IL1RAPL1: variants seen among roughly 807,000 people sequenced by gnomAD.
The protein encoded by IL1RAPL1 is interleukin 1 receptor accessory protein like 1.
A neutral mutation model predicts 48.4 loss-of-function variants in IL1RAPL1; 3 were observed. The observed-to-expected ratio is 0.06, with a 90% CI of 0.03 to 0.16. The LOEUF is 0.16. Ranked by LOEUF, IL1RAPL1 falls within the 10% of genes least tolerant of loss-of-function variation. IL1RAPL1 has a pLI of 1.00. For missense variants in IL1RAPL1, 349 were observed against 530.6 expected (o/e 0.66, Z 3.36); for synonymous variants, 185 against 187.7 (o/e 0.99, Z 0.12).
At chrX:29,113,346 TTGTC>T (rs1367455510) in intron 2 of IL1RAPL1, among the ~76,000 whole-genome samples, 1 of 111,674 alleles carries the variant, frequency 9.0e-6, no homozygotes, top group Non-Finnish European at 1.9e-5. Flanking sequence ...GCACTGGTCT[TTGTC>T]TGGTAGGGCT....
intron 5 of IL1RAPL1, among the ~76,000 whole-genome samples, chrX:29,419,676 T>G (rs1008864229): frequency 3.6e-5 from 4 of 112,599 alleles, no homozygotes; most frequent in Non-Finnish European, 5.6e-5. Context: ...ACATTCAGAG[T>G]TCTAGAGCAT....
chrX:28,736,309 C>T (rs371638705), intron 1 of IL1RAPL1, among the ~76,000 whole-genome samples: 7 of 109,965 alleles, frequency 6.4e-5, no homozygotes, highest in African/African-American at 2.0e-4. Context: ...TGGCGGGCAC[C>T]TGTAATCCCA....
At chrX:29,585,725 T>C (rs1202657496) in intron 5 of IL1RAPL1, among the ~76,000 whole-genome samples, 1 of 111,923 alleles carries the variant, frequency 8.9e-6, no homozygotes, top group Non-Finnish European at 1.9e-5. Flanking sequence ...AGGTATGAGG[T>C]GATGTCATAT....
intron 5 of IL1RAPL1, among the ~76,000 whole-genome samples, chrX:29,476,674 C>T (rs981738460): frequency 1.6e-4 from 18 of 109,405 alleles, no homozygotes; most frequent in African/African-American, 5.7e-4. Context: ...TTGTACAGCC[C>T]ATTATACATT....
At position 29,122,409 on chromosome X, in the gene IL1RAPL1, T is replaced by TCACA. The variant is rs59677285; in HGVS notation, c.83-160493_83-160490dup. Among the ~76,000 whole-genome samples, 440 of 64,568 alleles carry TCACA rather than the reference T, an allele frequency of 6.8e-3. 9 individuals carry two copies. The highest frequency in any genetic ancestry group is 0.015 in the African/African-American group (196 of 12,824). The allele number at this position is 64,568 out of a possible 115,157, so 56.1% of individuals were successfully genotyped here. A position where few individuals can be genotyped will look rare whatever the true frequency, so the allele number is the denominator to read the frequency against. On this transcript the variant is annotated intron_variant, in intron 2 of 10. Coordinates refer to ENST00000378993, the MANE Select transcript of IL1RAPL1 (RefSeq NM_014271.4). ...CTCTCTCTCTCTTTCTCTCTCTCTC[T>TCACA]CACACACACACACACACACACACAC...
At chrX:28,628,797 T>C (rs1416484120) in intron 1 of IL1RAPL1, among the ~76,000 whole-genome samples, 2 of 112,342 alleles carry the variant, frequency 1.8e-5, no homozygotes, top group Non-Finnish European at 3.8e-5. Flanking sequence ...ACACACATCG[T>C]TTCTCTGAAT....
chrX:29,463,875 T>C (rs1279486082), intron 5 of IL1RAPL1, among the ~76,000 whole-genome samples: 1 of 111,574 alleles, frequency 9.0e-6, no homozygotes, highest in Non-Finnish European at 1.9e-5. Context: ...ACCACCATGT[T>C]GTGGAGGCCC....
At chrX:28,988,944 A>G (rs1487083077) in intron 2 of IL1RAPL1, among the ~76,000 whole-genome samples, 4 of 111,737 alleles carry the variant, frequency 3.6e-5, no homozygotes, top group African/African-American at 1.3e-4. Context: ...AAAGTTTCAC[A>G]TCTCATCCAA....
chrX:29,655,829 C>A (rs140283970), intron 5 of IL1RAPL1, among the ~76,000 whole-genome samples: 1 of 110,457 alleles, frequency 9.1e-6, no homozygotes, highest in African/African-American at 3.3e-5. Flanking sequence ...AATAAAGTAA[C>A]GTAACCGCAC....
intron 6 of IL1RAPL1, among the ~76,000 whole-genome samples, chrX:29,775,220 T>A (rs1601818085): frequency 9.0e-6 from 1 of 111,466 alleles, no homozygotes; most frequent in Admixed American, 9.6e-5. Flanking sequence ...CACTTATTAA[T>A]CATCATTGGG....
At chrX:28,662,849 C>T (rs1488566533) in intron 1 of IL1RAPL1, among the ~76,000 whole-genome samples, 2 of 111,413 alleles carry the variant, frequency 1.8e-5, no homozygotes, top group African/African-American at 3.3e-5. Flanking sequence ...TCATGCCATA[C>T]AGAGGATAGT....
intron 1 of IL1RAPL1, among the ~76,000 whole-genome samples, chrX:28,609,156 C>T (rs1934118040): frequency 8.9e-6 from 1 of 112,301 alleles, no homozygotes; most frequent in Non-Finnish European, 1.9e-5. Context: ...CTCTAGCCAG[C>T]TGCAATGATG....
chrX:29,045,584 G>A (rs1377052729), intron 2 of IL1RAPL1, among the ~76,000 whole-genome samples: 1 of 111,246 alleles, frequency 9.0e-6, no homozygotes, highest in Non-Finnish European at 1.9e-5. Context: ...TCCTGCCTCA[G>A]CCTTTCAAGT....
chrX:29,391,988 G>T (rs1412344509), intron 3 of IL1RAPL1, among the ~76,000 whole-genome samples: 4 of 112,166 alleles, frequency 3.6e-5, no homozygotes, highest in Non-Finnish European at 7.5e-5. Flanking sequence ...CCAATATGTT[G>T]TGTGTGTACC....
intron 1 of IL1RAPL1, among the ~76,000 whole-genome samples, chrX:28,774,467 C>A (rs183465379): frequency 3.6e-5 from 4 of 111,353 alleles, no homozygotes; most frequent in Non-Finnish European, 7.5e-5. Flanking sequence ...GGGCAGGACC[C>A]ACTTTCAGGT....
chrX:29,104,748 C>A (rs1928414510), intron 2 of IL1RAPL1, among the ~76,000 whole-genome samples: 1 of 103,787 alleles, frequency 9.6e-6, no homozygotes, highest in Admixed American at 1.1e-4. Context: ...AAAATATACA[C>A]CTACTATGTA....
At chrX:29,546,080 A>G (rs943049012) in intron 5 of IL1RAPL1, among the ~76,000 whole-genome samples, 2 of 111,632 alleles carry the variant, frequency 1.8e-5, no homozygotes, top group African/African-American at 6.5e-5. Flanking sequence ...GATTGCAGCA[A>G]TATCCTCCAA....
intron 6 of IL1RAPL1, among the ~76,000 whole-genome samples, chrX:29,791,427 C>CTTT (rs772185346): frequency 0.028 from 2,753 of 99,719 alleles, 91 homozygotes; most frequent in African/African-American, 0.095. Context: ...TTCTTTTTAT[C>CTTT]TTTTTTTTTT....
At chrX:29,604,364 T>C (rs935100653) in intron 5 of IL1RAPL1, among the ~76,000 whole-genome samples, 1 of 112,555 alleles carries the variant, frequency 8.9e-6, no homozygotes, top group African/African-American at 3.2e-5. Context: ...TATTTTCTTC[T>C]AGTATTCCAA....
Sources: gnomAD v4.1 joint callset for allele counts (sites outside exome capture counted in the v4.1 genomes callset) on GRCh38, gnomAD v4.1.1 for gene constraint, MANE v1.5 for transcripts, NCBI Gene and HGNC (gene_info 2026-07-23, HGNC 2026-07-21) for gene names.